SEMA4F: variants seen among roughly 807,000 people sequenced by gnomAD.
The protein encoded by SEMA4F is ssemaphorin 4F.
In SEMA4F, 51 loss-of-function variants were observed where a neutral mutation model predicts 78.4. The observed-to-expected ratio is 0.65, with a 90% CI of 0.52 to 0.82. SEMA4F has a LOEUF of 0.82. Ranked by LOEUF, SEMA4F falls within the 40% of genes least tolerant of loss-of-function variation. The probability of loss-of-function intolerance (pLI) is 0.00; values close to 1 mark genes in which losing one functional copy is unlikely to be tolerated. For synonymous variants in SEMA4F, 418 were observed against 408.7 expected (o/e 1.02, Z -0.27); for missense variants, 938 against 1,014.4 (o/e 0.92, Z 1.02).
At position 74,673,704 on chromosome 2, in the gene SEMA4F, T is replaced by C; in HGVS notation, c.698T>C (p.Leu233Ser). 6.2e-7 allele frequency: 1 copy of C among 1,614,124 alleles called. No individual in the cohort carries two copies. Among genetic ancestry groups the C allele is most frequent in the Non-Finnish European group, 8.5e-7 (1 of 1,179,974 alleles). The change falls in exon 7 of 14, where the codon TTG becomes TCG. Residue 233 changes from leucine to serine, a missense_variant. Physicochemically the swap from Leu to Ser is moderately radical, Grantham distance 145 (BLOSUM62 -2). Coordinates refer to ENST00000357877, the MANE Select transcript of SEMA4F (RefSeq NM_004263.5). ...NAPAFVAAVA[L>S]SPAEWGDEDG... is the part of the protein sequence containing the mutation. Reference sequence around the variant, plus strand: ...CCAGCCTTTGTCGCAGCCGTGGCCTTGAGCCCAGCCGAATGGGGGGATGAA... The same window carrying C: ...CCAGCCTTTGTCGCAGCCGTGGCCTCGAGCCCAGCCGAATGGGGGGATGAA...
intron 2 of SEMA4F, among the ~76,000 whole-genome samples, chr2:74,657,238 A>G (rs186287236): frequency 6.6e-6 from 1 of 152,358 alleles, no homozygotes; most frequent in African/African-American, 2.4e-5. Context: ...GATCACAAGC[A>G]TTTCAGATAA....
At chr2:74,677,810 G>A (rs1318070721) in intron 12 of SEMA4F, among the ~76,000 whole-genome samples, 2 of 152,088 alleles carry the variant, frequency 1.3e-5, no homozygotes, top group African/African-American at 4.8e-5. Flanking sequence ...CTTGTCTTTT[G>A]GAATAAAACA....
At chr2:74,656,847 T>G (rs1297436975) in intron 2 of SEMA4F, among the ~76,000 whole-genome samples, 162 bp downstream of exon 2, 2 of 151,992 alleles carry the variant, frequency 1.3e-5, no homozygotes, top group Non-Finnish European at 2.9e-5. Flanking sequence ...TCCACTTTGT[T>G]TTCTTAGCTA....
the SEMA4F span, among the ~76,000 whole-genome samples, chr2:74,699,467 CA>C: frequency 1.3e-5 from 2 of 152,226 alleles, no homozygotes; most frequent in African/African-American, 2.4e-5. Flanking sequence ...TGCAATGCCT[CA>C]GGGGGACCTC....
At chr2:74,689,007 A>C in the SEMA4F span, among the ~76,000 whole-genome samples, 1 of 152,242 alleles carries the variant, frequency 6.6e-6, no homozygotes, top group East Asian at 1.9e-4. Context: ...CTCATAATTC[A>C]AGGATAGGCA....
rs575071367 is a variant in SEMA4F at position 74,660,168 on chromosome 2, T to G, written c.456+2217T>G. On this transcript the variant is annotated intron_variant, in intron 4 of 13. Coordinates refer to ENST00000357877, the MANE Select transcript of SEMA4F (RefSeq NM_004263.5). ...TTATCACCACATCATGATATTTAGG[T>G]ATTATTTCCATTTTACAAGTAATGA... Among the ~76,000 whole-genome samples the G allele has an allele frequency of 3.9e-5, 6 of 152,304 alleles. No homozygotes were observed. The South Asian group carries it at 1.2e-3, about 32-fold the overall frequency.
At position 74,679,832 on chromosome 2, in the gene SEMA4F, T is replaced by C. The variant is rs375006812; in HGVS notation, c.1936T>C (p.Trp646Arg). 6.2e-7 allele frequency: 1 copy of C among 1,614,114 alleles called. No homozygotes were observed. Among genetic ancestry groups the C allele is most frequent in the Non-Finnish European group, 8.5e-7 (1 of 1,180,002 alleles). The change falls in exon 14 of 14, where the codon TGG becomes CGG. Residue 646 changes from tryptophan (W) to arginine (R), a missense_variant. Physicochemically the swap from Trp to Arg is moderately radical, Grantham distance 101. Coordinates refer to ENST00000357877, the MANE Select transcript of SEMA4F (RefSeq NM_004263.5). ...TGTGGTAGCAGCTTACAGCTTGGTA[T>C]GGGGCAGCCAGCGAGATGCTCCGAG... The part of the protein sequence containing the change: ...AHVVAAYSLV[W>R]GSQRDAPSRA...
chr2:74,664,851 A>G (rs1377772948), intron 5 of SEMA4F, among the ~76,000 whole-genome samples: 2 of 152,206 alleles, frequency 1.3e-5, no homozygotes, highest in East Asian at 1.9e-4. Flanking sequence ...TTGTGATTGT[A>G]TATAATTTTT....
intron 5 of SEMA4F, among the ~76,000 whole-genome samples, chr2:74,666,838 A>G (rs887825620): frequency 1.2e-4 from 19 of 152,240 alleles, no homozygotes; most frequent in African/African-American, 4.3e-4. Flanking sequence ...TTATGAAAAT[A>G]TGATTAGAAT....
chr2:74,674,857 C>A, intron 8 of SEMA4F, 31 bp from the exon 9 acceptor site: 1 of 1,611,118 alleles, frequency 6.2e-7, no homozygotes, highest in South Asian at 1.1e-5. Context: ...CAGACCCCTC[C>A]ATATATCCAG....
chr2:74,675,699 T>C (rs1303916344), intron 11 of SEMA4F, 50 bp from the exon 12 acceptor site: 1 of 1,613,576 alleles, frequency 6.2e-7, no homozygotes, highest in Admixed American at 1.7e-5. Context: ...TTTGTGACCC[T>C]GAGGTCTGGG....
chr2:74,689,644 G>T, the SEMA4F span, among the ~76,000 whole-genome samples: 10 of 152,242 alleles, frequency 6.6e-5, 1 homozygote, highest in South Asian at 2.1e-3. Flanking sequence ...ATAAGCTTCA[G>T]TATTGACCTG....
At chr2:74,676,677 T>G (rs1685301317) in intron 12 of SEMA4F, among the ~76,000 whole-genome samples, 1 of 152,196 alleles carries the variant, frequency 6.6e-6, no homozygotes, top group Non-Finnish European at 1.5e-5. Flanking sequence ...CACCCTCTTC[T>G]GTCCACCTCT....
At position 74,658,909 on chromosome 2, in the gene SEMA4F, A is replaced by G. The variant is rs530668742; in HGVS notation, c.456+958A>G. ...TCTGCAGTCCTCAGTAATCCCTGCC[A>G]CCTGGATCAAGTCAGTGTGTATCTC... On this transcript the variant is annotated intron_variant, in intron 4 of 13. Coordinates refer to ENST00000357877, the MANE Select transcript of SEMA4F (RefSeq NM_004263.5). This position sits in a 1 kb window ranked among gnomAD's most constrained non-coding sequence, Gnocchi z 4.3. Among the ~76,000 whole-genome samples the G allele has an allele frequency of 2.0e-5, 3 of 152,254 alleles. No homozygotes were observed. The highest frequency in any genetic ancestry group is 7.2e-5 in the African/African-American group (3 of 41,548).
chr2:74,657,911 C>T lies in SEMA4F; in HGVS notation c.416C>T (p.Thr139Ile), dbSNP rs773110017. The change falls in exon 4 of 14, where the codon ACT becomes ATT. Residue 139 changes from threonine to isoleucine, a missense_variant. Coordinates refer to ENST00000357877, the MANE Select transcript of SEMA4F (RefSeq NM_004263.5). ...ATTGCCAATGCCTCTCACCTCCTCA[C>T]TTGTGGCACCTTCGCTTTTGATCCG... The part of the protein sequence containing the change: ...LAIANASHLL[T>I]CGTFAFDPKC... 11 of 1,614,136 alleles carry T rather than the reference C, an allele frequency of 6.8e-6. No homozygotes were observed. The highest frequency in any genetic ancestry group is 9.3e-6 in the Non-Finnish European group (11 of 1,180,050).
intron 4 of SEMA4F, among the ~76,000 whole-genome samples, chr2:74,661,529 C>T (rs898323079): frequency 6.6e-6 from 1 of 152,144 alleles, no homozygotes; most frequent in East Asian, 1.9e-4. Flanking sequence ...AGTGCCCAAC[C>T]ATCTTGTTAA....
chr2:74,663,903 C>T (rs1684553729), intron 5 of SEMA4F, among the ~76,000 whole-genome samples: 1 of 152,244 alleles, frequency 6.6e-6, no homozygotes, highest in South Asian at 2.1e-4. Context: ...CATGCACATA[C>T]ATTTGCTGCC....
At position 74,662,719 on chromosome 2, in the gene SEMA4F, T is replaced by A; in HGVS notation, c.457-13T>A. On this transcript the variant is annotated splice_polypyrimidine_tract_variant and intron_variant, in intron 4 of 13. Transcript: ENST00000357877. ...TATGACCCCTAAACCAATTGCCCCC[T>A]TCTGGTCTATAGGATGTGTCCAGGT... The A allele has an allele frequency of 6.2e-7, 1 of 1,611,598 alleles. No homozygotes were observed. The highest frequency in any genetic ancestry group is 8.5e-7 in the Non-Finnish European group (1 of 1,177,720).
rs1001971676 is a variant in SEMA4F at position 74,658,245 on chromosome 2, G to A, written c.456+294G>A. Among the ~76,000 whole-genome samples the A allele has an allele frequency of 2.6e-5, 4 of 152,150 alleles. No homozygotes were observed. Among genetic ancestry groups the A allele is most frequent in the African/African-American group, 9.7e-5 (4 of 41,404 alleles). Reference sequence around the variant, plus strand: ...AGTTAGGGATGCTGGTTGGGCTGGGGAAACAACAAATCCAGGGAGAGACTT... The same window carrying A: ...AGTTAGGGATGCTGGTTGGGCTGGGAAAACAACAAATCCAGGGAGAGACTT... On this transcript the variant is annotated intron_variant, in intron 4 of 13. Coordinates refer to ENST00000357877, the MANE Select transcript of SEMA4F (RefSeq NM_004263.5). This position sits in a 1 kb window ranked among gnomAD's most constrained non-coding sequence, Gnocchi z 4.3.
Sources: allele counts gnomAD v4.1 joint callset (sites outside exome capture counted in the v4.1 genomes callset), GRCh38; gene constraint gnomAD v4.1.1; non-coding constraint Gnocchi (gnomAD v3.1); transcripts MANE v1.5; gene names NCBI Gene and HGNC (gene_info 2026-07-23, HGNC 2026-07-21).